AHDC1: variants seen among roughly 807,000 people sequenced by gnomAD.
AHDC1 encodes the protein AT-hook DNA binding motif containing 1.
In AHDC1, 7 loss-of-function variants were observed where a neutral mutation model predicts 87.9. The observed-to-expected ratio is 0.08, with a 90% CI of 0.05 to 0.15. The LOEUF is 0.15. AHDC1 is among the 10% of genes least tolerant of loss of function. The probability of loss-of-function intolerance (pLI) is 1.00; values close to 1 mark genes in which losing one functional copy is unlikely to be tolerated. For synonymous variants in AHDC1, 1,051 were observed against 1,006.8 expected (o/e 1.04, Z -0.83); for missense variants, 1,841 against 2,253.2 (o/e 0.82, Z 3.70).
rs975440154 is a variant in AHDC1 at position 27,549,548 on chromosome 1, G to T, written c.2568C>A (p.Ala856=). 2.2e-5 allele frequency: 35 copies of T among 1,613,122 alleles called. No homozygotes were observed. Among genetic ancestry groups the T allele is most frequent in the Admixed American group, 2.2e-4 (13 of 60,010 alleles). Residue 856 remains alanine (A), a synonymous_variant, in exon 8 of 9, where the codon GCC becomes GCA. Coordinates refer to ENST00000673934, the MANE Select transcript of AHDC1 (RefSeq NM_001371928.1). ...GGGACTCTGGGCGAGAGGCTGAGAG[G>T]GCAAAGTCCAAGAGATCGGAGGAGT... ...SDDSSDLLDF[A]LSASRPESRK...
chr1:27,549,615 T>C lies in AHDC1; in HGVS notation c.2501A>G (p.Asn834Ser). The C allele has an allele frequency of 1.9e-6, 3 of 1,612,912 alleles. No homozygotes were observed. The highest frequency in any genetic ancestry group is 2.5e-6 in the Non-Finnish European group (3 of 1,179,940). Residue 834 changes from asparagine (N) to serine (S), a missense_variant, in exon 8 of 9, where the codon AAC (asparagine) becomes AGC (serine). Physicochemically the swap from Asn to Ser is conservative, Grantham distance 46. This residue lies in a region of AHDC1 where 8 missense variants were observed against 28.5 expected (regional missense o/e 0.28). Transcript: ENST00000673934. The part of the protein sequence containing the change: ...GQTELSQERQ[N>S]LFTGYFRSLL... ...CGAGCGAAAGTAGCCGGTGAAGAGG[T>C]TTTGGCGCTCCTGGCTGAGCTCGGT...
rs1214206800 is a variant in AHDC1 at position 27,547,920 on chromosome 1, G to A, written c.4196C>T (p.Ser1399Leu). 6.3e-6 allele frequency: 10 copies of A among 1,574,806 alleles called. No individual in the cohort carries two copies. Among genetic ancestry groups the A allele is most frequent in the Middle Eastern group, 1.8e-4 (1 of 5,632 alleles). ...GCCCAGTGTAGGCGAGCAGGTGGGCGAGTATGCCTTCTGCAGGCCGGCGTC... is the reference window on the plus strand; with the variant it reads ...GCCCAGTGTAGGCGAGCAGGTGGGCAAGTATGCCTTCTGCAGGCCGGCGTC... Reference protein sequence around the residue: ...VFDAGLQKAYSPTCSPTLGFK... With the variant: ...VFDAGLQKAYLPTCSPTLGFK... Residue 1399 changes from serine (S) to leucine (L), a missense_variant, in exon 8 of 9, where the codon TCG (serine) becomes TTG (leucine). Coordinates refer to ENST00000673934, the MANE Select transcript of AHDC1 (RefSeq NM_001371928.1). This position sits in a 1 kb window ranked among gnomAD's most constrained non-coding sequence, Gnocchi z 4.9.
chr1:27,551,768 C>T lies in AHDC1; in HGVS notation c.348G>A (p.Val116=), dbSNP rs763964487. The stretch of plus-strand genomic sequence containing the variant: ...TCAGCTGCACCACTGGTCGCAGGTT[C>T]ACCCGCCCGTTGTCCCAGCAGCGTC... ...SSRRCWDNGR[V]NLRPVVQLID... The change falls in exon 8 of 9, where the codon GTG becomes GTA. Residue 116 remains valine, a synonymous_variant. Coordinates refer to ENST00000673934, the MANE Select transcript of AHDC1 (RefSeq NM_001371928.1). The T allele has an allele frequency of 3.7e-6, 6 of 1,613,600 alleles. No individual in the cohort carries two copies. In the South Asian group the frequency reaches 5.5e-5, roughly 15 times the overall value.
chr1:27,556,046 C>T (rs2019801348), intron 5 of AHDC1, among the ~76,000 whole-genome samples: 1 of 152,216 alleles, frequency 6.6e-6, no homozygotes. Flanking sequence ...TTCTGTCTGC[C>T]TGTCTGCTGT....
chr1:27,588,708 G>A (rs546752304), intron 3 of AHDC1, among the ~76,000 whole-genome samples: 2 of 152,224 alleles, frequency 1.3e-5, no homozygotes, highest in African/African-American at 4.8e-5. Context: ...GGACGCATGT[G>A]TGTGCTGCAT....
chr1:27,547,885 C>G lies in AHDC1; in HGVS notation c.4231G>C (p.Glu1411Gln). The change falls in exon 8 of 9, where the codon GAG becomes CAG. Residue 1411 changes from glutamate to glutamine, a missense_variant. Glu to Gln is a conservative substitution (Grantham distance 29, BLOSUM62 2). Transcript: ENST00000673934. This position sits in a 1 kb window ranked among gnomAD's most constrained non-coding sequence, Gnocchi z 4.9. ...AGCTTTGTGGGCGGTGGCCGCAGCT[C>G]TTCCTTGAAGCCCAGTGTAGGCGAG... ...TCSPTLGFKE[E>Q]LRPPPTKLAA... is the part of the protein sequence containing the mutation. 6.4e-7 allele frequency: 1 copy of G among 1,555,036 alleles called. No individual in the cohort carries two copies. The highest frequency in any genetic ancestry group is 8.7e-7 in the Non-Finnish European group (1 of 1,147,328).
At chr1:27,578,220 T>A (rs2088811634) in intron 3 of AHDC1, among the ~76,000 whole-genome samples, 1 of 152,234 alleles carries the variant, frequency 6.6e-6, no homozygotes, top group Non-Finnish European at 1.5e-5. Context: ...TTTTTAAATA[T>A]AAAATACCTC....
Position 27,549,909 on chromosome 1 carries a change from CCAGTCA to C in AHDC1, c.2201_2206del (p.Val734_Thr735del). The C allele has an allele frequency of 6.2e-7, 1 of 1,613,730 alleles. No homozygotes were observed. Among genetic ancestry groups the C allele is most frequent in the Non-Finnish European group, 8.5e-7 (1 of 1,179,896 alleles). ...GGACCGTCTCTTGCGCTTTGGCTTC[CCAGTCA>C]CAGCGTCTACCTCCCCCCGGCCCCG... On this transcript the variant is annotated inframe_deletion, in exon 8 of 9. Coordinates refer to ENST00000673934, the MANE Select transcript of AHDC1 (RefSeq NM_001371928.1).
At chr1:27,568,065 T>A (rs948504737) in intron 3 of AHDC1, 1 of 152,294 alleles carries the variant, frequency 6.6e-6, no homozygotes. Flanking sequence ...TGGTGGCTAT[T>A]CTGAGGCGGG....
Position 27,560,199 on chromosome 1 carries a change from T to TG in AHDC1, c.-628-1317_-628-1316insC, listed in dbSNP as rs2020007434. ...ACTTTTCACGTTTATTTCTATTCGTTTTGTGTGTGTGTGTGTGTGTGTGTG... is the reference window on the plus strand; with the variant it reads ...ACTTTTCACGTTTATTTCTATTCGTTGTTGTGTGTGTGTGTGTGTGTGTGTG... On this transcript the variant is annotated intron_variant, in intron 3 of 8. Coordinates refer to ENST00000673934, the MANE Select transcript of AHDC1 (RefSeq NM_001371928.1). This position sits in a 1 kb window ranked among gnomAD's most constrained non-coding sequence, Gnocchi z 4.1. 9.3e-5 allele frequency among the ~76,000 whole-genome samples: 6 copies of TG among 64,734 alleles called. No homozygotes were observed. Among genetic ancestry groups the TG allele is most frequent in the Non-Finnish European group, 1.9e-4 (6 of 30,776 alleles). The allele number at this position is 64,734 out of a possible 152,430, so 42.5% of individuals were successfully genotyped here.
Position 27,549,001 on chromosome 1 carries a change from T to C in AHDC1, c.3115A>G (p.Ser1039Gly). The part of the protein sequence containing the change: ...CLPPSKASFF[S>G]SSEGAPFSGS... ...GAGAAGGGGGCCCCCTCAGAGCTGC[T>C]GAAGAAGGAGGCCTTGCTTGGTGGC... The change falls in exon 8 of 9, where the codon AGC becomes GGC. Residue 1039 changes from serine (S) to glycine (G), a missense_variant. Coordinates refer to ENST00000673934, the MANE Select transcript of AHDC1 (RefSeq NM_001371928.1). 3 of 1,572,700 alleles carry C rather than the reference T, an allele frequency of 1.9e-6. No homozygotes were observed. The highest frequency in any genetic ancestry group is 2.6e-6 in the Non-Finnish European group (3 of 1,158,334).
intron 5 of AHDC1, among the ~76,000 whole-genome samples, chr1:27,557,071 C>A (rs1015449435): frequency 6.7e-6 from 1 of 150,118 alleles, no homozygotes; most frequent in Non-Finnish European, 1.5e-5. Flanking sequence ...CCCTCGCCCA[C>A]CCCCTTCCTC....
At position 27,548,469 on chromosome 1, in the gene AHDC1, C is replaced by T; in HGVS notation, c.3647G>A (p.Gly1216Asp). The change falls in exon 8 of 9, where the codon GGC becomes GAC. Residue 1216 changes from glycine to aspartate, a missense_variant. By Grantham distance (94) the Gly-to-Asp change is moderately conservative. Transcript: ENST00000673934. The part of the protein sequence containing the change: ...MDWNEASSAP[G>D]YNWNQSVLFQ... ...GAGGACACTCTGGTTCCAGTTGTAG[C>T]CGGGGGCAGATGATGCCTCGTTCCA... 1 of 1,613,872 alleles carries T rather than the reference C, an allele frequency of 6.2e-7. No homozygotes were observed. Among genetic ancestry groups the T allele is most frequent in the East Asian group, 2.2e-5 (1 of 44,882 alleles).
intron 3 of AHDC1, among the ~76,000 whole-genome samples, chr1:27,596,951 G>A (rs1180174765): frequency 3.9e-5 from 6 of 152,054 alleles, no homozygotes; most frequent in Admixed American, 2.6e-4. Flanking sequence ...GAGGACACTC[G>A]CCATCCCTTC....
At chr1:27,542,226 G>C (rs1462479143) in intron 8 of AHDC1, among the ~76,000 whole-genome samples, 1 of 152,234 alleles carries the variant, frequency 6.6e-6, no homozygotes, top group African/African-American at 2.4e-5. Flanking sequence ...GAGAGGACTG[G>C]TGTGCATAAC....
chr1:27,578,497 G>C (rs1224529050), intron 3 of AHDC1, among the ~76,000 whole-genome samples: 2 of 151,802 alleles, frequency 1.3e-5, no homozygotes, highest in East Asian at 2.0e-4. Flanking sequence ...GCTGAGGCAG[G>C]AGAATCGCTT....
rs1053580758 is a variant in AHDC1 at position 27,590,331 on chromosome 1, G to C, written c.-629+13066C>G. On this transcript the variant is annotated intron_variant, in intron 3 of 8. Coordinates refer to ENST00000673934, the MANE Select transcript of AHDC1 (RefSeq NM_001371928.1). The surrounding 1 kb of genome is among the most constrained non-coding windows in gnomAD (Gnocchi z 5.4). ...ACAACTCCAACCTACTGTTTGCCTG[G>C]GCCTGTGGGAAGGCCAGACCCTTCC... is the stretch of plus-strand genomic sequence containing the variant. Among the ~76,000 whole-genome samples, 1 of 152,226 alleles carries C rather than the reference G, an allele frequency of 6.6e-6. No individual in the cohort carries two copies. Among genetic ancestry groups the C allele is most frequent in the South Asian group, 2.1e-4 (1 of 4,828 alleles).
chr1:27,588,402 G>C (rs573996710), intron 3 of AHDC1, among the ~76,000 whole-genome samples: 4 of 152,164 alleles, frequency 2.6e-5, no homozygotes, highest in Non-Finnish European at 5.9e-5. Flanking sequence ...CATCATCAAT[G>C]CTCAATCAAT....
intron 3 of AHDC1, among the ~76,000 whole-genome samples, chr1:27,564,022 A>G (rs12146138): frequency 0.12 from 18,431 of 152,162 alleles, 1,477 homozygotes; most frequent in African/African-American, 0.23. Context: ...CAGTGGGAAG[A>G]GTATGGGATA....
Sources: gnomAD v4.1 joint callset for allele counts (sites outside exome capture counted in the v4.1 genomes callset) on GRCh38, gnomAD v4.1.1 for gene constraint, gnomAD v4.1.1 regional missense constraint, Gnocchi (gnomAD v3.1) non-coding constraint, MANE v1.5 for transcripts, NCBI Gene and HGNC (gene_info 2026-07-23, HGNC 2026-07-21) for gene names.